Variants in TCERG1L observed in about 807,000 individuals in gnomAD.
TCERG1L encodes the protein transcription elongation regulator 1-like protein.
TCERG1L carries 37 observed loss-of-function variants against 56.3 expected under a neutral mutation model. The ratio of observed to expected loss-of-function variants is 0.66; its 90% confidence interval spans 0.51 to 0.87. The LOEUF (loss-of-function observed/expected upper bound fraction) is 0.87. TCERG1L is among the 40% of genes least tolerant of loss of function. The probability of loss-of-function intolerance (pLI) is 0.00; values close to 1 mark genes in which losing one functional copy is unlikely to be tolerated. For missense variants in TCERG1L, 799 were observed against 774.2 expected, an observed-to-expected ratio of 1.03 and a Z score of -0.38; for synonymous variants, 324 against 326.3, an observed-to-expected ratio of 0.99 and a Z score of 0.08.
chr10:131,139,801 T>C (rs985746149), intron 7 of TCERG1L, among the ~76,000 whole-genome samples: 1 of 151,876 alleles, frequency 6.6e-6, no homozygotes, highest in Non-Finnish European at 1.5e-5. Context: ...TGTGTGTCTG[T>C]GTGCGTATAT....
intron 4 of TCERG1L, among the ~76,000 whole-genome samples, chr10:131,233,774 G>A (rs10829954): frequency 1.3e-5 from 2 of 152,092 alleles, no homozygotes; most frequent in Admixed American, 6.5e-5. Flanking sequence ...CCACCAAAAC[G>A]CATGATGAAA....
intron 4 of TCERG1L, among the ~76,000 whole-genome samples, chr10:131,207,603 A>G (rs1845554406): frequency 6.6e-6 from 1 of 152,190 alleles, no homozygotes; most frequent in Non-Finnish European, 1.5e-5. Flanking sequence ...TTCATGGGGG[A>G]AAACCTGAAT....
intron 3 of TCERG1L, among the ~76,000 whole-genome samples, chr10:131,271,267 C>T (rs12253505): frequency 2.6e-5 from 4 of 152,202 alleles, no homozygotes; most frequent in Non-Finnish European, 5.9e-5. Flanking sequence ...GCAGGTGGCT[C>T]CAGAATATCA....
intron 4 of TCERG1L, among the ~76,000 whole-genome samples, chr10:131,209,184 A>G (rs1845587994): frequency 6.6e-6 from 1 of 152,188 alleles, no homozygotes; most frequent in Admixed American, 6.5e-5. Flanking sequence ...TTCTGTGTTC[A>G]GGCTTAGGTC....
chr10:131,303,151 G>A (rs1167849415), intron 3 of TCERG1L, among the ~76,000 whole-genome samples: 1 of 152,018 alleles, frequency 6.6e-6, no homozygotes, highest in African/African-American at 2.4e-5. Context: ...CCAGTAATGA[G>A]ATTGCTGGTT....
chr10:131,233,046 A>G (rs72841342), intron 4 of TCERG1L, among the ~76,000 whole-genome samples: 3,848 of 152,332 alleles, frequency 0.025, 72 homozygotes, highest in Middle Eastern at 0.037. Flanking sequence ...CTGTATCACA[A>G]AGCTAAACTC....
intron 4 of TCERG1L, among the ~76,000 whole-genome samples, chr10:131,223,684 T>G (rs1404500420): frequency 7.4e-6 from 1 of 134,248 alleles, no homozygotes; most frequent in African/African-American, 2.7e-5. Flanking sequence ...ATGCTCACCC[T>G]CACGCATACA....
intron 4 of TCERG1L, among the ~76,000 whole-genome samples, chr10:131,206,689 G>A (rs1845531624): frequency 6.6e-6 from 1 of 152,190 alleles, no homozygotes; most frequent in Non-Finnish European, 1.5e-5. Context: ...GGGTCCTCCT[G>A]GAGCCCAGAA....
chr10:131,241,011 G>A (rs892878642), intron 4 of TCERG1L, among the ~76,000 whole-genome samples: 5 of 152,340 alleles, frequency 3.3e-5, no homozygotes, highest in African/African-American at 1.2e-4. Flanking sequence ...CACGGCCAAG[G>A]TCTATGAGGC....
At chr10:131,170,454 G>C (rs765759636) in intron 4 of TCERG1L, among the ~76,000 whole-genome samples, 1 of 151,946 alleles carries the variant, frequency 6.6e-6, no homozygotes, top group Non-Finnish European at 1.5e-5. Flanking sequence ...AGAGAGGCAC[G>C]GCGGTAATAC....
At chr10:131,279,189 C>T (rs1846426617) in intron 3 of TCERG1L, among the ~76,000 whole-genome samples, 1 of 152,156 alleles carries the variant, frequency 6.6e-6, no homozygotes, top group Non-Finnish European at 1.5e-5. Flanking sequence ...CAGTGCCTGG[C>T]ACACAACTCA....
intron 8 of TCERG1L, among the ~76,000 whole-genome samples, chr10:131,129,012 T>C (rs1845591598): frequency 6.6e-6 from 1 of 152,210 alleles, no homozygotes; most frequent in Admixed American, 6.5e-5. Context: ...GCTCCAGGAA[T>C]GCGATGATCT....
chr10:131,149,759 C>G (rs182743383), intron 6 of TCERG1L, among the ~76,000 whole-genome samples: 3 of 152,214 alleles, frequency 2.0e-5, no homozygotes, highest in Non-Finnish European at 1.5e-5. Flanking sequence ...CCAGGCACCC[C>G]TCTTGCAAGG....
chr10:131,189,071 T>C (rs544255802), intron 4 of TCERG1L, among the ~76,000 whole-genome samples: 2 of 152,342 alleles, frequency 1.3e-5, no homozygotes, highest in Non-Finnish European at 2.9e-5. Flanking sequence ...ACTGTGTGGA[T>C]AGATTAGCAT....
At position 131,260,339 on chromosome 10, in the gene TCERG1L, G is replaced by A. The variant is rs535255286; in HGVS notation, c.776C>T (p.Pro259Leu). 1.2e-5 allele frequency: 18 copies of A among 1,474,866 alleles called. No homozygotes were observed. The highest frequency in any genetic ancestry group is 3.0e-5 in the African/African-American group (2 of 67,608). The allele number at this position is 1,474,866 out of a possible 1,614,324, so 91.4% of individuals were successfully genotyped here. The change falls in exon 4 of 12, where the codon CCG becomes CTG. Residue 259 changes from proline (P) to leucine (L), a missense_variant. By Grantham distance (98) the Pro-to-Leu change is moderately conservative. Transcript: ENST00000368642. This position sits in a 1 kb window ranked among gnomAD's most constrained non-coding sequence, Gnocchi z 5.8. ...VSVDPENLRG[P>L]SPSSVQPRHF... is the part of the protein sequence containing the mutation. The stretch of plus-strand genomic sequence containing the variant: ...GCGCGGCTGCACGCTGGAGGGGGAC[G>A]GGCCCCGGAGGTTCTCAGGGTCCAC...
At position 131,149,085 on chromosome 10, in the gene TCERG1L, G is replaced by A. The variant is rs563059552; in HGVS notation, c.1035-2425C>T. 1.2e-4 allele frequency among the ~76,000 whole-genome samples: 18 copies of A among 152,368 alleles called. No homozygotes were observed. The East Asian group carries it at 3.5e-3, about 29-fold the overall frequency. On this transcript the variant is annotated intron_variant, in intron 6 of 11. Coordinates refer to ENST00000368642, the MANE Select transcript of TCERG1L (RefSeq NM_174937.4). The stretch of plus-strand genomic sequence containing the variant: ...CCTACCAGGTGACCCTGAGAAGGTC[G>A]CCTCCCCTCGCTGGTGGCCTCATGC...
chr10:131,193,485 G>GT (rs907299200), intron 4 of TCERG1L, among the ~76,000 whole-genome samples: 1 of 152,164 alleles, frequency 6.6e-6, no homozygotes, highest in Non-Finnish European at 1.5e-5. Context: ...CATGTGTTAT[G>GT]TTTAAGTCTT....
chr10:131,239,168 A>G (rs564514006), intron 4 of TCERG1L, among the ~76,000 whole-genome samples: 14 of 152,264 alleles, frequency 9.2e-5, no homozygotes, highest in Non-Finnish European at 1.6e-4. Context: ...TCCGGCACCC[A>G]GCAGCAAAAG....
chr10:131,198,026 T>C (rs997557911), intron 4 of TCERG1L, among the ~76,000 whole-genome samples: 19 of 147,002 alleles, frequency 1.3e-4, no homozygotes, highest in Non-Finnish European at 2.6e-4. Context: ...TCCTGTAGCA[T>C]CTATGCTCAG....
Sources: allele counts gnomAD v4.1 joint callset (sites outside exome capture counted in the v4.1 genomes callset), GRCh38; gene constraint gnomAD v4.1.1; non-coding constraint Gnocchi (gnomAD v3.1); transcripts MANE v1.5; gene names NCBI Gene and HGNC (gene_info 2026-07-23, HGNC 2026-07-21).